The following TTC7A variants were observed in gnomAD, a reference collection of about 807,000 sequenced individuals.
The protein encoded by TTC7A is tetratricopeptide repeat protein 7A.
TTC7A carries 110 observed loss-of-function variants against 103.7 expected under a neutral mutation model. The observed-to-expected ratio is 1.06, with a 90% CI of 0.91 to 1.24. The LOEUF is 1.24. Ranked by LOEUF, TTC7A falls within the 50% of genes most tolerant of loss-of-function variation. TTC7A has a pLI of 0.00. For synonymous variants in TTC7A, 521 were observed against 467.9 expected (o/e 1.11, Z -1.47); for missense variants, 1,340 against 1,116.3 (o/e 1.20, Z -2.86).
intron 4 of TTC7A, among the ~76,000 whole-genome samples, chr2:46,976,032 A>T (rs1050599923): frequency 6.6e-6 from 1 of 152,070 alleles, no homozygotes; most frequent in Non-Finnish European, 1.5e-5. Flanking sequence ...CCCAGCCTCC[A>T]TTTTATTCTT....
chr2:47,046,951 G>C, intron 16 of TTC7A: 1 of 309,072 alleles, frequency 3.2e-6, no homozygotes, highest in Middle Eastern at 9.3e-4. Context: ...TACTCCTGAA[G>C]GGCCACCCCT....
chr2:46,996,965 G>GGTTGTT (rs375926625), intron 8 of TTC7A, among the ~76,000 whole-genome samples: 34 of 106,936 alleles, frequency 3.2e-4, no homozygotes, highest in African/African-American at 6.7e-4. Context: ...TTTTTGTGGT[G>GGTTGTT]GTTGTTGTTG....
At chr2:46,976,722 A>G (rs1232391935) in intron 4 of TTC7A, among the ~76,000 whole-genome samples, 1 of 151,846 alleles carries the variant, frequency 6.6e-6, no homozygotes, top group Non-Finnish European at 1.5e-5. Context: ...GCATGCCTAG[A>G]CTCTCCCCAC....
chr2:47,036,780 C>A (rs1341508340), intron 15 of TTC7A, among the ~76,000 whole-genome samples: 1 of 152,184 alleles, frequency 6.6e-6, no homozygotes, highest in East Asian at 1.9e-4. Context: ...ATTGGTTGAG[C>A]CTAGGAAGTT....
chr2:46,951,551 C>G (rs756501195), intron 2 of TTC7A: 13 of 454,288 alleles, frequency 2.9e-5, no homozygotes, highest in African/African-American at 6.0e-5. Context: ...CTTCCTTCCC[C>G]TCTGTCTCTC....
At chr2:46,940,032 G>A (rs868205734), upstream of TTC7A, among the ~76,000 whole-genome samples, 3 of 152,278 alleles carry the variant, frequency 2.0e-5, no homozygotes, top group Middle Eastern at 3.4e-3. This position sits in a 1 kb window ranked among gnomAD's most constrained non-coding sequence, Gnocchi z 4.7. Context: ...AACCCGGAGA[G>A]GAGGGCCTCC....
chr2:47,073,185 C>G (rs1300210226), intron 19 of TTC7A, among the ~76,000 whole-genome samples: 3 of 152,222 alleles, frequency 2.0e-5, no homozygotes, highest in African/African-American at 4.8e-5. Flanking sequence ...CCTCCTCCGT[C>G]TCTCTGCGTC....
At chr2:46,998,072 G>C (rs899088983) in intron 8 of TTC7A, among the ~76,000 whole-genome samples, 3 of 152,140 alleles carry the variant, frequency 2.0e-5, no homozygotes, top group Non-Finnish European at 2.9e-5. Flanking sequence ...GGGTGAGTCT[G>C]GGTTGGCTGG....
intron 18 of TTC7A, among the ~76,000 whole-genome samples, chr2:47,053,547 G>GTTTGT (rs1553410727): frequency 0.012 from 900 of 72,366 alleles, 5 homozygotes; most frequent in Middle Eastern, 0.019. Flanking sequence ...TGTTTGTTTG[G>GTTTGT]TTGGTTGGTT....
intron 5 of TTC7A, among the ~76,000 whole-genome samples, chr2:46,986,802 T>C (rs1268878961): frequency 6.6e-6 from 1 of 152,134 alleles, no homozygotes; most frequent in African/African-American, 2.4e-5. Context: ...GTCCCTCCCA[T>C]TGAGGACTTG....
intron 11 of TTC7A, among the ~76,000 whole-genome samples, chr2:47,019,827 C>T (rs1168162657): frequency 1.3e-5 from 2 of 152,088 alleles, no homozygotes; most frequent in African/African-American, 4.8e-5. Context: ...TGTAAGAAAG[C>T]TTTTTCTGTT....
intron 2 of TTC7A, among the ~76,000 whole-genome samples, chr2:46,920,664 T>C (rs944283534): frequency 6.9e-6 from 1 of 145,952 alleles, no homozygotes. Flanking sequence ...AAAAAAAAAA[T>C]AGATAAATTT....
intron 15 of TTC7A, among the ~76,000 whole-genome samples, chr2:47,040,728 A>C (rs1212235475): frequency 2.0e-5 from 3 of 152,196 alleles, no homozygotes; most frequent in Non-Finnish European, 4.4e-5. Context: ...AGCTGAATGC[A>C]GCTGCTACTT....
chr2:46,989,629 T>C (rs1675398808), intron 5 of TTC7A, among the ~76,000 whole-genome samples: 1 of 152,064 alleles, frequency 6.6e-6, no homozygotes, highest in Non-Finnish European at 1.5e-5. Flanking sequence ...TTTTTTTTTT[T>C]TTTTCTTGAA....
chr2:47,050,355 C>T (rs1338990712), intron 17 of TTC7A: 3 of 401,788 alleles, frequency 7.5e-6, no homozygotes, highest in African/African-American at 4.0e-5. Context: ...AGCCAGAGGC[C>T]ACAGTCCACG....
upstream of TTC7A, among the ~76,000 whole-genome samples, chr2:46,938,297 A>G (rs149627251): frequency 1.3e-5 from 2 of 152,252 alleles, no homozygotes; most frequent in Admixed American, 1.3e-4. Flanking sequence ...TGATGGATAT[A>G]GGAACAAAAT....
chr2:46,955,874 T>G (rs1198646929), intron 2 of TTC7A, among the ~76,000 whole-genome samples: 1 of 152,204 alleles, frequency 6.6e-6, no homozygotes, highest in Non-Finnish European at 1.5e-5. Context: ...GATTGGTGCC[T>G]GTGTGGCGGG....
At chr2:46,986,903 CT>C (rs1486998237) in intron 5 of TTC7A, among the ~76,000 whole-genome samples, 1 of 152,128 alleles carries the variant, frequency 6.6e-6, no homozygotes. Flanking sequence ...TCAGGAAAGC[CT>C]GGGCCTCCCT....
At chr2:47,015,569 G>A (rs923924467) in intron 11 of TTC7A, among the ~76,000 whole-genome samples, 2 of 152,122 alleles carry the variant, frequency 1.3e-5, no homozygotes, top group East Asian at 1.9e-4. Flanking sequence ...TCTGTGCCTC[G>A]GTTTCCTCAT....
Sources: gnomAD v4.1 joint callset for allele counts (sites outside exome capture counted in the v4.1 genomes callset) on GRCh38, gnomAD v4.1.1 for gene constraint, Gnocchi (gnomAD v3.1) non-coding constraint, MANE v1.5 for transcripts, NCBI Gene and HGNC (gene_info 2026-07-23, HGNC 2026-07-21) for gene names.